The following PCDHA1 variants were observed in gnomAD, a reference collection of about 807,000 sequenced individuals.
PCDHA1 encodes the protein protocadherin alpha 1.
In PCDHA1, 42 loss-of-function variants were observed where a neutral mutation model predicts 61.3. The ratio of observed to expected loss-of-function variants is 0.69; its 90% CI spans 0.54 to 0.89. The LOEUF (loss-of-function observed/expected upper bound fraction) is 0.89. Ranked by LOEUF, PCDHA1 falls within the 40% of genes least tolerant of loss-of-function variation. The pLI is 0.00. For synonymous variants in PCDHA1, 610 were observed against 553.8 expected, an observed-to-expected ratio of 1.10 and a Z score of -1.43; for missense variants, 1,256 against 1,235.3, an observed-to-expected ratio of 1.02 and a Z score of -0.25.
At chr5:140,863,076 G>A (rs782126148) in intron 1 of PCDHA1, 19 of 569,916 alleles carry the variant, frequency 3.3e-5, no homozygotes, top group South Asian at 2.5e-4. Context: ...GGCTCTGCAC[G>A]GGCGAGATCA....
chr5:140,795,892 T>C (rs1455564883), intron 1 of PCDHA1: 1 of 1,613,994 alleles, frequency 6.2e-7, no homozygotes, highest in Non-Finnish European at 8.5e-7. Context: ...AAAATTAGAT[T>C]ATGAAGAAGC....
intron 1 of PCDHA1, chr5:140,825,552 G>A (rs2150140091): frequency 2.0e-5 from 3 of 151,568 alleles, no homozygotes; most frequent in Admixed American, 6.6e-5. Flanking sequence ...ATCTTCCCAA[G>A]TAGCTGGGAT....
intron 1 of PCDHA1, chr5:140,864,380 A>C (rs1581715525): frequency 6.6e-6 from 1 of 152,354 alleles, no homozygotes; most frequent in East Asian, 1.9e-4. Flanking sequence ...CGATAAGTTT[A>C]TCTCTCACAA....
At position 140,788,093 on chromosome 5, in the gene PCDHA1, G is replaced by T. The variant is rs555223653; in HGVS notation, c.1803G>T (p.Ser601=). The change falls in exon 1 of 4, where the codon TCG becomes TCT. Residue 601 remains serine, a synonymous_variant. Coordinates refer to ENST00000504120, the MANE Select transcript of PCDHA1 (RefSeq NM_018900.4). Reference sequence around the variant, plus strand: ...AGGTGCGCGCAGTGGACGCCGACTCGGGCTACAACGCGTGGCTGTCCTATG... The same window carrying T: ...AGGTGCGCGCAGTGGACGCCGACTCTGGCTACAACGCGTGGCTGTCCTATG... ...VAKVRAVDAD[S]GYNAWLSYEL... 6.2e-7 allele frequency: 1 copy of T among 1,613,878 alleles called. No individual in the cohort carries two copies. Among genetic ancestry groups the T allele is most frequent in the Non-Finnish European group, 8.5e-7 (1 of 1,179,912 alleles).
chr5:140,888,811 T>C (rs187578319), intron 1 of PCDHA1, among the ~76,000 whole-genome samples: 124 of 152,270 alleles, frequency 8.1e-4, no homozygotes, highest in African/African-American at 1.8e-3. Context: ...CAGTGATCTG[T>C]GATCTGTGAT....
intron 1 of PCDHA1, chr5:140,848,731 T>C: frequency 6.3e-7 from 1 of 1,592,772 alleles, no homozygotes; most frequent in Non-Finnish European, 8.6e-7. Context: ...GAGGTAAATC[T>C]GCAGAATGGC....
intron 1 of PCDHA1, among the ~76,000 whole-genome samples, chr5:140,906,364 C>T (rs2072599872): frequency 6.6e-6 from 1 of 152,184 alleles, no homozygotes; most frequent in African/African-American, 2.4e-5. Context: ...ATTCCCAACC[C>T]AAATGCTATT....
chr5:140,989,197 C>T (rs2097332742), intron 3 of PCDHA1, among the ~76,000 whole-genome samples: 1 of 152,206 alleles, frequency 6.6e-6, no homozygotes, highest in Admixed American at 6.5e-5. Context: ...ACCCTCCCTT[C>T]TAGCTTTCTT....
At position 140,835,814 on chromosome 5, in the gene PCDHA1, G is replaced by T. The variant is rs2150245444; in HGVS notation, c.2394+47130G>T. ...CGCCGGGCTGCCACATCTTCACTGTGTCGGCGGGGGACGCGGACGCGCAGA... is the reference window on the plus strand; with the variant it reads ...CGCCGGGCTGCCACATCTTCACTGTTTCGGCGGGGGACGCGGACGCGCAGA... On this transcript the variant is annotated intron_variant, in intron 1 of 3. Coordinates refer to ENST00000504120, the MANE Select transcript of PCDHA1 (RefSeq NM_018900.4). The T allele has an allele frequency of 3.1e-6, 5 of 1,612,862 alleles. 1 individual carries two copies. In the South Asian group the frequency reaches 5.5e-5, roughly 18 times the overall value.
intron 1 of PCDHA1, among the ~76,000 whole-genome samples, chr5:140,901,445 C>T (rs1207516323): frequency 6.6e-6 from 1 of 152,074 alleles, no homozygotes; most frequent in Admixed American, 6.6e-5. Context: ...ATCTAGTTTC[C>T]CAGCACAGAC....
At chr5:140,933,220 T>G (rs1179526168) in intron 1 of PCDHA1, among the ~76,000 whole-genome samples, 3 of 151,968 alleles carry the variant, frequency 2.0e-5, no homozygotes, top group African/African-American at 7.2e-5. Flanking sequence ...TCTGTTATAT[T>G]GCATTTATGA....
intron 1 of PCDHA1, chr5:140,863,488 A>C (rs1554158271): frequency 4.4e-6 from 2 of 451,898 alleles, no homozygotes; most frequent in African/African-American, 2.0e-5. Flanking sequence ...CCCAAGGTCA[A>C]CATTACGGCT....
intron 1 of PCDHA1, chr5:140,821,947 C>T: frequency 6.2e-7 from 1 of 1,614,184 alleles, no homozygotes; most frequent in Non-Finnish European, 8.5e-7. Context: ...GCTGGCGGAG[C>T]TGGTGCCGCG....
rs370018893 is a variant in PCDHA1 at position 140,787,766 on chromosome 5, T to C, written c.1476T>C (p.Tyr492=). 3.2e-5 allele frequency: 52 copies of C among 1,613,054 alleles called. No homozygotes were observed. The highest frequency in any genetic ancestry group is 6.7e-5 in the East Asian group (3 of 44,888). Residue 492 remains tyrosine, a synonymous_variant, in exon 1 of 4, where the codon TAT becomes TAC. Coordinates refer to ENST00000504120, the MANE Select transcript of PCDHA1 (RefSeq NM_018900.4). The part of the protein sequence containing the change: ...ADAQENALVS[Y]SLVERRVGER... ...CGCAGGAGAACGCGCTGGTGTCCTA[T>C]TCGCTGGTGGAACGGCGGGTGGGCG...
At chr5:140,956,190 T>A (rs1441772845) in intron 1 of PCDHA1, among the ~76,000 whole-genome samples, 1 of 152,208 alleles carries the variant, frequency 6.6e-6, no homozygotes, top group Non-Finnish European at 1.5e-5. Flanking sequence ...CTATGCTGAA[T>A]AGGAGTGGTG....
At chr5:140,827,002 C>T (rs1769143611) in intron 1 of PCDHA1, among the ~76,000 whole-genome samples, 2 of 152,060 alleles carry the variant, frequency 1.3e-5, no homozygotes, top group Non-Finnish European at 2.9e-5. Context: ...ATGGGAAATG[C>T]TCATGTCATT....
chr5:140,797,345 T>C (rs1554120415), intron 1 of PCDHA1: 2 of 1,613,930 alleles, frequency 1.2e-6, no homozygotes, highest in Admixed American at 1.7e-5. Context: ...TCAGAATACG[T>C]AGGAAAGGTG....
intron 3 of PCDHA1, among the ~76,000 whole-genome samples, chr5:141,007,652 A>T (rs2098338412): frequency 6.6e-6 from 1 of 152,112 alleles, no homozygotes; most frequent in African/African-American, 2.4e-5. Flanking sequence ...TGCCTAAAAA[A>T]CCATAAATTT....
At position 140,818,149 on chromosome 5, in the gene PCDHA1, G is replaced by A. The variant is rs116573666; in HGVS notation, c.2394+29465G>A. Among the ~76,000 whole-genome samples, 733 of 152,078 alleles carry A rather than the reference G, an allele frequency of 4.8e-3. 10 individuals are homozygous for A. Among genetic ancestry groups the A allele is most frequent in the African/African-American group, 0.017 (703 of 41,472 alleles). ...GATTTAGCAGTATGCCTTCAAATAC[G>A]GCTTCTACTTCATATTTTCTCTTAT... On this transcript the variant is annotated intron_variant, in intron 1 of 3. Transcript: ENST00000504120.
Sources: allele counts gnomAD v4.1 joint callset (sites outside exome capture counted in the v4.1 genomes callset), GRCh38; gene constraint gnomAD v4.1.1; transcripts MANE v1.5; gene names NCBI Gene and HGNC (gene_info 2026-07-23, HGNC 2026-07-21).